The following MACROD2 variants were observed in gnomAD, a reference collection of about 807,000 sequenced individuals.
MACROD2 encodes the protein mono-ADP ribosylhydrolase 2.
Under a neutral mutation model 70.4 loss-of-function variants are expected in MACROD2, and 36 were observed. The ratio of observed to expected loss-of-function variants is 0.51; its 90% CI spans 0.39 to 0.68. The LOEUF (loss-of-function observed/expected upper bound fraction) is 0.68. Among genes scored for constraint, MACROD2 ranks in the 30% least tolerant of loss-of-function variants. The pLI is 0.00. For synonymous variants in MACROD2, 172 were observed against 178.8 expected (o/e 0.96, Z 0.30); for missense variants, 496 against 538.4 (o/e 0.92, Z 0.78).
intron 7 of MACROD2, among the ~76,000 whole-genome samples, chr20:15,498,097 C>T (rs768565815): frequency 3.3e-5 from 5 of 152,174 alleles, no homozygotes; most frequent in Non-Finnish European, 7.3e-5. Context: ...GGTTCAAGAA[C>T]TTACGCACAT....
intron 3 of MACROD2, among the ~76,000 whole-genome samples, chr20:14,383,338 G>T (rs1281167054): frequency 6.6e-6 from 1 of 150,730 alleles, no homozygotes; most frequent in Non-Finnish European, 1.5e-5. Context: ...TTGGAACTCC[G>T]TGACGATAGG....
At chr20:14,505,972 A>C (rs2084964893) in intron 4 of MACROD2, among the ~76,000 whole-genome samples, 1 of 152,200 alleles carries the variant, frequency 6.6e-6, no homozygotes, top group Non-Finnish European at 1.5e-5. Flanking sequence ...TGAACTTCAT[A>C]GTTGGAATCT....
rs139362004 is a variant in MACROD2 at position 15,191,058 on chromosome 20, T to C, written c.419-38882T>C. ...TCAAAAATATAGAAAACTGTATACA[T>C]AGTTAATCCAGGGCACATATAGTTT... On this transcript the variant is annotated intron_variant, in intron 5 of 17. Transcript: ENST00000684519. 9.3e-4 allele frequency among the ~76,000 whole-genome samples: 142 copies of C among 152,232 alleles called. 1 individual carries two copies. The highest frequency in any genetic ancestry group is 3.1e-3 in the African/African-American group (128 of 41,544).
At chr20:14,581,387 C>T (rs150201639) in intron 4 of MACROD2, among the ~76,000 whole-genome samples, 42 of 152,256 alleles carry the variant, frequency 2.8e-4, no homozygotes, top group Middle Eastern at 3.4e-3. Flanking sequence ...CAGCGTGGAG[C>T]GAAGGTTGAC....
chr20:15,599,014 C>G (rs2048781882), intron 8 of MACROD2, among the ~76,000 whole-genome samples: 1 of 152,148 alleles, frequency 6.6e-6, no homozygotes, highest in African/African-American at 2.4e-5. Flanking sequence ...CCATCAATAT[C>G]TGCAATGATC....
intron 4 of MACROD2, among the ~76,000 whole-genome samples, chr20:14,503,824 G>A (rs116231518): frequency 1.4e-3 from 210 of 152,298 alleles, no homozygotes; most frequent in African/African-American, 4.9e-3. Context: ...TTGCAGAACA[G>A]ACCAAAAAGA....
At chr20:15,266,723 G>A (rs2077298047) in intron 6 of MACROD2, among the ~76,000 whole-genome samples, 1 of 152,144 alleles carries the variant, frequency 6.6e-6, no homozygotes, top group African/African-American at 2.4e-5. Context: ...TCCTAAAGAT[G>A]GCTTTCAAGA....
intron 8 of MACROD2, among the ~76,000 whole-genome samples, chr20:15,588,251 G>C (rs1174996893): frequency 6.6e-6 from 1 of 152,146 alleles, no homozygotes; most frequent in African/African-American, 2.4e-5. Flanking sequence ...GGCTGGAGTG[G>C]CTGGGACACA....
intron 5 of MACROD2, among the ~76,000 whole-genome samples, chr20:14,767,319 AT>A (rs1220179980): frequency 4.0e-5 from 6 of 151,766 alleles, no homozygotes; most frequent in Non-Finnish European, 7.4e-5. Context: ...AAAAGGATTA[AT>A]TTTTTTTTGT....
chr20:14,838,384 A>G (rs576055071), intron 5 of MACROD2, among the ~76,000 whole-genome samples: 1 of 152,274 alleles, frequency 6.6e-6, no homozygotes, highest in South Asian at 2.1e-4. Context: ...TATTATGTTC[A>G]TATTGAAAGT....
chr20:15,330,678 G>A (rs912563879), intron 6 of MACROD2, among the ~76,000 whole-genome samples: 6 of 151,784 alleles, frequency 4.0e-5, no homozygotes, highest in Non-Finnish European at 8.8e-5. Context: ...ACCTGTTTGG[G>A]GTGGGGTAGT....
intron 8 of MACROD2, among the ~76,000 whole-genome samples, chr20:15,742,274 T>G (rs928168666): frequency 3.9e-5 from 6 of 152,176 alleles, no homozygotes; most frequent in Non-Finnish European, 7.3e-5. Flanking sequence ...GAGTATTTAT[T>G]CTTATGCTGT....
chr20:14,730,979 G>GCACACACACACACA (rs11474396), intron 5 of MACROD2, among the ~76,000 whole-genome samples: 37 of 138,934 alleles, frequency 2.7e-4, no homozygotes, highest in African/African-American at 8.5e-4. Flanking sequence ...AACAGGTTTA[G>GCACACACACACACA]CACACACACA....
chr20:14,230,025 A>G (rs1451767402), intron 3 of MACROD2, among the ~76,000 whole-genome samples: 1 of 152,234 alleles, frequency 6.6e-6, no homozygotes, highest in African/African-American at 2.4e-5. Flanking sequence ...AAAAACATGT[A>G]CATACCTTAA....
At chr20:14,456,955 G>C (rs973138700) in intron 3 of MACROD2, among the ~76,000 whole-genome samples, 1 of 151,896 alleles carries the variant, frequency 6.6e-6, no homozygotes, top group Non-Finnish European at 1.5e-5. Flanking sequence ...CTGACCTCGT[G>C]ATCCGCCCGC....
At chr20:14,269,709 A>G (rs1052091384) in intron 3 of MACROD2, among the ~76,000 whole-genome samples, 3 of 152,158 alleles carry the variant, frequency 2.0e-5, no homozygotes, top group Admixed American at 6.5e-5. Flanking sequence ...TTACTGGATA[A>G]AATTTGAAGG....
intron 5 of MACROD2, among the ~76,000 whole-genome samples, chr20:15,112,499 G>A (rs906696895): frequency 2.0e-5 from 3 of 151,946 alleles, no homozygotes; most frequent in Admixed American, 1.3e-4. Context: ...AGGAAGGTTG[G>A]TCATTTTATG....
chr20:15,126,748 A>G (rs1266786876), intron 5 of MACROD2, among the ~76,000 whole-genome samples: 1 of 152,152 alleles, frequency 6.6e-6, no homozygotes, highest in Non-Finnish European at 1.5e-5. Context: ...CTTACTCTCA[A>G]AACAAATGCA....
At chr20:14,206,052 C>T (rs1285801481) in intron 3 of MACROD2, among the ~76,000 whole-genome samples, 1 of 152,092 alleles carries the variant, frequency 6.6e-6, no homozygotes, top group East Asian at 1.9e-4. Context: ...AGCATTGGTT[C>T]TCCATCAGGG....
Sources: gnomAD v4.1 joint callset for allele counts (sites outside exome capture counted in the v4.1 genomes callset) on GRCh38, gnomAD v4.1.1 for gene constraint, MANE v1.5 for transcripts, NCBI Gene and HGNC (gene_info 2026-07-23, HGNC 2026-07-21) for gene names.